The following PRKAG2 variants were observed in gnomAD, a reference collection of about 807,000 sequenced individuals.
The protein encoded by PRKAG2 is 5'-AMP-activated protein kinase subunit gamma-2.
PRKAG2 carries 26 observed loss-of-function variants against 69.6 expected under a neutral mutation model. The observed-to-expected ratio is 0.37, with a 90% CI of 0.27 to 0.52. PRKAG2 has a LOEUF of 0.52. Among genes scored for constraint, PRKAG2 ranks in the 20% least tolerant of loss-of-function variants. PRKAG2 has a pLI of 0.90. For missense variants in PRKAG2, 557 were observed against 740.0 expected (o/e 0.75, Z 2.87); for synonymous variants, 293 against 285.0 (o/e 1.03, Z -0.28).
chr7:151,824,115 C>A (rs372815560), intron 1 of PRKAG2, among the ~76,000 whole-genome samples: 2 of 152,290 alleles, frequency 1.3e-5, no homozygotes, highest in East Asian at 3.9e-4. Context: ...AAGGAATCAG[C>A]TTTTGATTTA....
intron 5 of PRKAG2, among the ~76,000 whole-genome samples, chr7:151,609,734 T>C (rs1282505429): frequency 1.3e-5 from 2 of 152,122 alleles, no homozygotes; most frequent in African/African-American, 4.8e-5. Context: ...TTGTTTAGTC[T>C]AGAAGGAGGA....
intron 5 of PRKAG2, among the ~76,000 whole-genome samples, chr7:151,600,271 A>C (rs1315016855): frequency 6.6e-6 from 1 of 152,182 alleles, no homozygotes; most frequent in East Asian, 1.9e-4. Flanking sequence ...CGATCTGTGC[A>C]TTTTAGGAAG....
chr7:151,610,782 CCAGGCTG>C (rs1407672899), intron 5 of PRKAG2, among the ~76,000 whole-genome samples: 1 of 144,082 alleles, frequency 6.9e-6, no homozygotes, highest in African/African-American at 2.6e-5. Context: ...GCTCTGTCAC[CCAGGCTG>C]CAGTGCAGTG....
rs267601424 is a variant in PRKAG2, at chr7:151,675,517, G to A, written c.587C>T (p.Ser196Phe). 9.9e-6 allele frequency: 16 copies of A among 1,614,080 alleles called. No individual in the cohort carries two copies. Among genetic ancestry groups the A allele is most frequent in the Non-Finnish European group, 1.4e-5 (16 of 1,180,034 alleles). The change falls in exon 4 of 16, where the codon TCC becomes TTC. Residue 196 changes from serine to phenylalanine, a missense_variant. Ser to Phe is a radical substitution (Grantham distance 155). This residue lies in a region of PRKAG2 where 352 missense variants were observed against 356.7 expected (regional missense o/e 0.99). Coordinates refer to ENST00000287878, the MANE Select transcript of PRKAG2 (RefSeq NM_016203.4). ...GAACCTCTGCCCTGTGTCCGGGGGG[G>A]AAGACGAGGCATAGATGCGATTCTC... is the stretch of plus-strand genomic sequence containing the variant. ...RLENRIYASS[S>F]PPDTGQRFCP...
At chr7:151,726,331 G>A (rs1165573286) in intron 3 of PRKAG2, among the ~76,000 whole-genome samples, 1 of 151,358 alleles carries the variant, frequency 6.6e-6, no homozygotes, top group East Asian at 1.9e-4. Context: ...CTGGGGAAGT[G>A]AAGACACAGC....
In PRKAG2 at chr7:151,669,755, T is replaced by TGCACACACACCTGTGCACACACCTGCAC. The variant is rs1831558890; in HGVS notation, c.684+5664_684+5665insGTGCAGGTGTGTGCACAGGTGTGTGTGC. Among the ~76,000 whole-genome samples, 28 of 150,858 alleles carry TGCACACACACCTGTGCACACACCTGCAC rather than the reference T, an allele frequency of 1.9e-4. 14 individuals carry two copies. The highest frequency in any genetic ancestry group is 2.7e-4 in the Non-Finnish European group (18 of 67,620). On this transcript the variant is annotated intron_variant, in intron 4 of 15. Coordinates refer to ENST00000287878, the MANE Select transcript of PRKAG2 (RefSeq NM_016203.4). ...ACACACACCTGTGCACACACCTGCA[T>TGCACACACACCTGTGCACACACCTGCAC]GCACACACACCTGTGCACACACTTG...
chr7:151,797,249 G>A (rs1041647980), intron 1 of PRKAG2, among the ~76,000 whole-genome samples: 5 of 61,184 alleles, frequency 8.2e-5, no homozygotes, highest in Admixed American at 7.5e-4. Context: ...CCCCACCGCC[G>A]CCTGGTGCTC....
At chr7:151,774,253 CA>C (rs1297072008) in intron 3 of PRKAG2, among the ~76,000 whole-genome samples, 2 of 152,106 alleles carry the variant, frequency 1.3e-5, no homozygotes, top group Non-Finnish European at 2.9e-5. Context: ...TCCATACAGG[CA>C]GCCTCTGAGA....
chr7:151,574,739 T>C (rs1403819661), intron 8 of PRKAG2, 152 bp downstream of exon 8: 2 of 1,021,102 alleles, frequency 2.0e-6, no homozygotes, highest in African/African-American at 1.6e-5. Flanking sequence ...GTTCCCTGCA[T>C]GTTATATAGA....
At chr7:151,855,063 C>CCACACACACCACG (rs2079685851) in intron 1 of PRKAG2, among the ~76,000 whole-genome samples, 1 of 42,240 alleles carries the variant, frequency 2.4e-5, no homozygotes, top group African/African-American at 1.4e-4. Flanking sequence ...CACACACCAT[C>CCACACACACCACG]CTCCACACAC....
chr7:151,867,408 C>G (rs1040319422), intron 1 of PRKAG2, among the ~76,000 whole-genome samples: 1 of 152,206 alleles, frequency 6.6e-6, no homozygotes, highest in Non-Finnish European at 1.5e-5. Context: ...CTTGCCTCTT[C>G]CACCCTTCAG....
chr7:151,793,305 T>C (rs2077350935), intron 1 of PRKAG2, among the ~76,000 whole-genome samples: 1 of 152,238 alleles, frequency 6.6e-6, no homozygotes, highest in African/African-American at 2.4e-5. Flanking sequence ...AGGAGCTTCC[T>C]CTGCCTTCAC....
At chr7:151,768,737 G>A (rs2075868956) in intron 3 of PRKAG2, among the ~76,000 whole-genome samples, 1 of 152,232 alleles carries the variant, frequency 6.6e-6, no homozygotes, top group South Asian at 2.1e-4. Flanking sequence ...AAAGGGCTGA[G>A]ATTGTAGGCG....
intron 3 of PRKAG2, among the ~76,000 whole-genome samples, chr7:151,685,774 A>AC (rs1289118779): frequency 6.6e-6 from 1 of 151,958 alleles, no homozygotes; most frequent in African/African-American, 2.4e-5. Context: ...CTCTAAAAAA[A>AC]AAAAAAAAAA....
intron 1 of PRKAG2, among the ~76,000 whole-genome samples, chr7:151,870,025 A>G (rs574006554): frequency 6.6e-6 from 1 of 152,286 alleles, no homozygotes; most frequent in Admixed American, 6.5e-5. Flanking sequence ...ATTCATCTTT[A>G]TTTGGAAGCC....
At chr7:151,647,069 T>C (rs866027683) in intron 4 of PRKAG2, among the ~76,000 whole-genome samples, 2 of 152,274 alleles carry the variant, frequency 1.3e-5, no homozygotes, top group African/African-American at 4.8e-5. Context: ...AGACCGCACA[T>C]GCATGTGTGC....
At chr7:151,675,688 C>A in intron 3 of PRKAG2, 51 bp from the exon 4 acceptor site, 1 of 1,530,228 alleles carries the variant, frequency 6.5e-7, no homozygotes. Flanking sequence ...CAGGAAGGGA[C>A]GTCGGGGGTG....
chr7:151,565,629 T>C (rs1399507179), intron 12 of PRKAG2, 91 bp downstream of exon 12: 1 of 1,517,776 alleles, frequency 6.6e-7, no homozygotes, highest in Admixed American at 1.7e-5. Context: ...GTTTTCATTT[T>C]CCCCACGTAT....
At position 151,836,252 on chromosome 7, in the gene PRKAG2, C is replaced by T. The variant is rs1053775665; in HGVS notation, c.114+40255G>A. The stretch of plus-strand genomic sequence containing the variant: ...GAGAGACTCGGGGGAGCAGGGGCTG[C>T]GTCAGGACCCCCTTTCTGCCACCCC... On this transcript the variant is annotated intron_variant, in intron 1 of 15. Coordinates refer to ENST00000287878, the MANE Select transcript of PRKAG2 (RefSeq NM_016203.4). The surrounding 1 kb of genome is among the most constrained non-coding windows in gnomAD (Gnocchi z 4.1). Among the ~76,000 whole-genome samples, 3 of 152,158 alleles carry T rather than the reference C, an allele frequency of 2.0e-5. No homozygotes were observed. The highest frequency in any genetic ancestry group is 2.9e-5 in the Non-Finnish European group (2 of 68,038).
Sources: gnomAD v4.1 joint callset for allele counts (sites outside exome capture counted in the v4.1 genomes callset) on GRCh38, gnomAD v4.1.1 for gene constraint, gnomAD v4.1.1 regional missense constraint, Gnocchi (gnomAD v3.1) non-coding constraint, MANE v1.5 for transcripts, NCBI Gene and HGNC (gene_info 2026-07-23, HGNC 2026-07-21) for gene names.